Variants in KCNQ1 observed in about 807,000 individuals in gnomAD.
KCNQ1 encodes potassium voltage-gated channel subfamily Q member 1.
In KCNQ1, 49 loss-of-function variants were observed where a neutral mutation model predicts 72.4. The observed-to-expected ratio is 0.68, with a 90% CI of 0.54 to 0.86. KCNQ1 has a LOEUF of 0.86. Ranked by LOEUF, KCNQ1 falls within the 40% of genes least tolerant of loss-of-function variation. The pLI is 0.00. For synonymous variants in KCNQ1, 450 were observed against 412.6 expected (o/e 1.09, Z -1.10); for missense variants, 790 against 945.1 (o/e 0.84, Z 2.15).
intron 10 of KCNQ1, chr11:2,614,006 T>G: frequency 2.5e-6 from 1 of 398,636 alleles, no homozygotes; most frequent in Non-Finnish European, 4.4e-6. Flanking sequence ...CTCATTGCAT[T>G]GCTAAAGTTG....
chr11:2,672,991 G>A (rs897105346), intron 11 of KCNQ1: 3 of 398,610 alleles, frequency 7.5e-6, no homozygotes, highest in East Asian at 3.6e-5. Flanking sequence ...TTGCCTAAAG[G>A]AGAAGCCAGT....
At chr11:2,811,550 T>A (rs946923292) in intron 15 of KCNQ1, among the ~76,000 whole-genome samples, 54 of 152,340 alleles carry the variant, frequency 3.5e-4, no homozygotes, top group African/African-American at 1.3e-3. Flanking sequence ...CCCTGCTTGG[T>A]CTGACAAGCC....
At chr11:2,662,527 T>A (rs1477554114) in intron 11 of KCNQ1, 13 of 425,306 alleles carry the variant, frequency 3.1e-5, no homozygotes, top group Non-Finnish European at 5.0e-5. Flanking sequence ...AGGAAATGGC[T>A]GATTTTCCAC....
In KCNQ1 at chr11:2,445,161, A is replaced by G; in HGVS notation, c.63A>G (p.Pro21=). ...AGCGCTGGGGTTGGGGCCGCCTGCC[A>G]GGCGCCCGGCGGGGCAGCGCGGGCC... The part of the protein sequence containing the change: ...ERKRWGWGRL[P]GARRGSAGLA... Residue 21 remains proline, a synonymous_variant, in exon 1 of 16, where the codon CCA becomes CCG. Coordinates refer to ENST00000155840, the MANE Select transcript of KCNQ1 (RefSeq NM_000218.3). 2 of 1,136,140 alleles carry G rather than the reference A, an allele frequency of 1.8e-6. No homozygotes were observed. Among genetic ancestry groups the G allele is most frequent in the Non-Finnish European group, 1.1e-6 (1 of 923,574 alleles). The allele number at this position is 1,136,140 out of a possible 1,614,324, so 70.4% of individuals were successfully genotyped here. A position where few individuals can be genotyped will look rare whatever the true frequency, so the allele number is the denominator to read the frequency against.
intron 2 of KCNQ1, among the ~76,000 whole-genome samples, chr11:2,532,760 A>G (rs1847662421): frequency 6.6e-6 from 1 of 152,152 alleles, no homozygotes; most frequent in Non-Finnish European, 1.5e-5. Context: ...GGATCAGAGC[A>G]CAGGCAGAAG....
At chr11:2,513,179 C>CT (rs1199696300) in intron 1 of KCNQ1, among the ~76,000 whole-genome samples, 1 of 152,170 alleles carries the variant, frequency 6.6e-6, no homozygotes, top group East Asian at 1.9e-4. Context: ...CTCCCCCACC[C>CT]TCCGACCAGG....
intron 2 of KCNQ1, among the ~76,000 whole-genome samples, chr11:2,534,604 C>A (rs978976447): frequency 6.6e-6 from 1 of 152,218 alleles, no homozygotes; most frequent in South Asian, 2.1e-4. Context: ...GACTGGTTGC[C>A]CAGGGACGGG....
intron 11 of KCNQ1, chr11:2,675,661 C>G (rs1445522626): frequency 1.8e-5 from 7 of 398,554 alleles, no homozygotes; most frequent in Non-Finnish European, 3.1e-5. Context: ...AGGAGCCCGC[C>G]CAGGGCCTGC....
chr11:2,614,811 G>C (rs1480545231), intron 10 of KCNQ1: 1 of 398,252 alleles, frequency 2.5e-6, no homozygotes, highest in African/African-American at 2.1e-5. Flanking sequence ...TAAAAGTTTT[G>C]AAAATGGCAG....
intron 10 of KCNQ1, among the ~76,000 whole-genome samples, chr11:2,606,288 G>A (rs1848877945): frequency 6.6e-6 from 1 of 152,134 alleles, no homozygotes. Context: ...GGGGTTTTCT[G>A]TATACAACAT....
Position 2,544,366 on chromosome 11 carries a change from ATG to A in KCNQ1, c.477+16352_477+16353del, listed in dbSNP as rs373455705. On this transcript the variant is annotated intron_variant, in intron 2 of 15. Transcript: ENST00000155840. This position sits in a 1 kb window ranked among gnomAD's most constrained non-coding sequence, Gnocchi z 4.4. ...TATATGTATATATATGTGTATATAT[ATG>A]TGTATATATATGTGTGCATATATGT... is the stretch of plus-strand genomic sequence containing the variant. 6.9e-6 allele frequency among the ~76,000 whole-genome samples: 1 copy of A among 145,118 alleles called. No homozygotes were observed. The highest frequency in any genetic ancestry group is 1.5e-5 in the Non-Finnish European group (1 of 66,838).
intron 11 of KCNQ1, chr11:2,692,267 A>C (rs933484136): frequency 7.5e-6 from 3 of 398,478 alleles, no homozygotes; most frequent in African/African-American, 6.2e-5. Flanking sequence ...GGCTTACTTC[A>C]CCCATCCATA....
intron 15 of KCNQ1, among the ~76,000 whole-genome samples, chr11:2,786,850 GCTTCT>G (rs1173605911): frequency 6.6e-6 from 1 of 151,078 alleles, no homozygotes; most frequent in Non-Finnish European, 1.5e-5. Context: ...TCTATATTGA[GCTTCT>G]CTTAATTCCA....
At position 2,588,169 on chromosome 11, in the gene KCNQ1, G is replaced by A. The variant is rs1345482630; in HGVS notation, c.1251+477G>A. Among the ~76,000 whole-genome samples, 1 of 152,082 alleles carries A rather than the reference G, an allele frequency of 6.6e-6. No homozygotes were observed. The highest frequency in any genetic ancestry group is 1.9e-4 in the East Asian group (1 of 5,180). ...CGCTGGGCAGAAGTCTTGTGACATG[G>A]CTGGGGTCATAAGGGGTTGGGGCTG... On this transcript the variant is annotated intron_variant, in intron 9 of 15. Coordinates refer to ENST00000155840, the MANE Select transcript of KCNQ1 (RefSeq NM_000218.3). This position sits in a 1 kb window ranked among gnomAD's most constrained non-coding sequence, Gnocchi z 5.6.
intron 15 of KCNQ1, among the ~76,000 whole-genome samples, chr11:2,800,434 C>A (rs1415656385): frequency 6.6e-6 from 1 of 152,230 alleles, no homozygotes; most frequent in South Asian, 2.1e-4. Context: ...AGCTTTGTAG[C>A]CTCTTTCTTC....
At chr11:2,529,988 T>G (rs1847590514) in intron 2 of KCNQ1, among the ~76,000 whole-genome samples, 1 of 152,210 alleles carries the variant, frequency 6.6e-6, no homozygotes, top group Non-Finnish European at 1.5e-5. Flanking sequence ...CCCCTTGCCT[T>G]CCTGGAATAA....
intron 9 of KCNQ1, 38 bp downstream of exon 9, chr11:2,587,730 G>T (rs1320287870): frequency 6.2e-7 from 1 of 1,613,198 alleles, no homozygotes; most frequent in South Asian, 1.1e-5. Flanking sequence ...GGGCCTTCTT[G>T]CTAGCAGGTG....
At position 2,457,627 on chromosome 11, in the gene KCNQ1, G is replaced by A. The variant is rs939909646; in HGVS notation, c.386+12143G>A. On this transcript the variant is annotated intron_variant, in intron 1 of 15. Transcript: ENST00000155840. The surrounding 1 kb of genome is among the most constrained non-coding windows in gnomAD (Gnocchi z 5.0). The stretch of plus-strand genomic sequence containing the variant: ...ACAAGAGACACTGGGGAATACAAGA[G>A]TGGGGAGGGGGGAAGGGGAGCAAGG... Among the ~76,000 whole-genome samples, 1 of 151,986 alleles carries A rather than the reference G, an allele frequency of 6.6e-6. No homozygotes were observed. The highest frequency in any genetic ancestry group is 1.5e-5 in the Non-Finnish European group (1 of 68,028).
chr11:2,561,200 CAA>C (rs1305352795), intron 2 of KCNQ1, among the ~76,000 whole-genome samples: 6 of 58,836 alleles, frequency 1.0e-4, no homozygotes, highest in Non-Finnish European at 1.3e-4. Context: ...GACTCCGTCT[CAA>C]AAAAAAAAAA....
Sources: allele counts gnomAD v4.1 joint callset (sites outside exome capture counted in the v4.1 genomes callset), GRCh38; gene constraint gnomAD v4.1.1; non-coding constraint Gnocchi (gnomAD v3.1); transcripts MANE v1.5; gene names NCBI Gene and HGNC (gene_info 2026-07-23, HGNC 2026-07-21).